The following THNSL2 variants were observed in gnomAD, a reference collection of about 807,000 sequenced individuals.
THNSL2 encodes the protein threonine synthase-like 2.
In THNSL2, 34 loss-of-function variants were observed where a neutral mutation model predicts 40.0. The ratio of observed to expected loss-of-function variants is 0.85; its 90% CI spans 0.65 to 1.13. THNSL2 has a LOEUF of 1.13. THNSL2 is among the 50% of genes most tolerant of loss of function. THNSL2 has a pLI of 0.00. For missense variants in THNSL2, 537 were observed against 608.8 expected (o/e 0.88, Z 1.24); for synonymous variants, 241 against 247.5 (o/e 0.97, Z 0.25).
At chr2:88,181,844 T>C (rs1677725145) in intron 5 of THNSL2, among the ~76,000 whole-genome samples, 1 of 152,172 alleles carries the variant, frequency 6.6e-6, no homozygotes, top group East Asian at 1.9e-4. Flanking sequence ...TAGATTTTCT[T>C]ATTCTAGACA....
At chr2:88,185,502 C>A in intron 8 of THNSL2, 23 bp downstream of exon 8, 1 of 1,588,468 alleles carries the variant, frequency 6.3e-7, no homozygotes, top group Non-Finnish European at 8.6e-7. Context: ...GGGGCCTGGG[C>A]CACTGAGGGA....
chr2:88,175,212 T>C, intron 3 of THNSL2, 37 bp from the exon 4 acceptor site: 2 of 1,601,816 alleles, frequency 1.2e-6, no homozygotes, highest in East Asian at 2.2e-5. Flanking sequence ...ATTCCCTTTG[T>C]TCTAAAGGGG....
chr2:88,172,902 C>T, intron 1 of THNSL2: 1 of 348,372 alleles, frequency 2.9e-6, no homozygotes, highest in Non-Finnish European at 5.2e-6. Context: ...ATACCCTCTC[C>T]CTGAAGACAG....
At chr2:88,170,848 T>C (rs1368903692) in intron 1 of THNSL2, among the ~76,000 whole-genome samples, 1 of 137,218 alleles carries the variant, frequency 7.3e-6, no homozygotes, top group Non-Finnish European at 1.7e-5. Flanking sequence ...TGCCGTCGGC[T>C]CCTGGGGTCC....
intron 1 of THNSL2, 107 bp from the exon 2 acceptor site, chr2:88,173,032 A>T (rs924489011): frequency 6.2e-6 from 4 of 641,580 alleles, no homozygotes; most frequent in Non-Finnish European, 7.7e-6. Context: ...TGTGCCCCGG[A>T]GACTGGTGGT....
At chr2:88,174,886 G>A (rs1033029120) in intron 3 of THNSL2, 53 bp downstream of exon 3, 3 of 1,584,920 alleles carry the variant, frequency 1.9e-6, no homozygotes, top group African/African-American at 1.3e-5. Flanking sequence ...ACTGTAGGGT[G>A]TCCACCTATA....
At chr2:88,170,944 C>T (rs1248587881) in intron 1 of THNSL2, among the ~76,000 whole-genome samples, 1 of 152,156 alleles carries the variant, frequency 6.6e-6, no homozygotes, top group Non-Finnish European at 1.5e-5. Context: ...TGTTCCCAGC[C>T]TTCGGGCTAC....
rs533845505 is a variant in THNSL2 at position 88,186,353 on chromosome 2, G to A, written c.*230G>A. On this transcript the variant is annotated 3_prime_UTR_variant, in exon 9 of 9. Coordinates refer to ENST00000674334, the MANE Select transcript of THNSL2 (RefSeq NM_018271.5). ...TGCCGGAAGCACCCCCTCCCTCCCC[G>A]GCCCGTGCAGCAGTGTCTGAGCTGT... The A allele has an allele frequency of 1.4e-4, 82 of 567,388 alleles. 1 individual carries two copies. The highest frequency in any genetic ancestry group is 9.0e-4 in the African/African-American group (48 of 53,256). The allele number at this position is 567,388 out of a possible 1,614,324, so 35.1% of individuals were successfully genotyped here. A position where few individuals can be genotyped will look rare whatever the true frequency, so the allele number is the denominator to read the frequency against.
In THNSL2 at chr2:88,171,438, CA is replaced by C. The variant is rs1350423388; in HGVS notation, c.-13+983del. On this transcript the variant is annotated intron_variant, in intron 1 of 8. Transcript: ENST00000674334. ...CCCCAGGTGTGATATTCCTTCCACCCAGGGAAGGGCATTTGAAAAATATTTT... is the reference window on the plus strand; with the variant it reads ...CCCCAGGTGTGATATTCCTTCCACCCGGGAAGGGCATTTGAAAAATATTTT... The C allele has an allele frequency of 3.2e-5, 13 of 407,842 alleles. No homozygotes were observed. In the East Asian group the frequency reaches 9.6e-4, roughly 30 times the overall value. The allele number at this position is 407,842 out of a possible 1,614,324, so 25.3% of individuals were successfully genotyped here. A position where few individuals can be genotyped will look rare whatever the true frequency, so the allele number is the denominator to read the frequency against.
At chr2:88,176,222 C>G (rs555735699) in intron 4 of THNSL2, 1 of 152,358 alleles carries the variant, frequency 6.6e-6, no homozygotes, top group East Asian at 1.9e-4. Context: ...GTGGTACCCA[C>G]CATTGGTTAT....
In THNSL2 at chr2:88,178,861, T is replaced by C. The variant is rs1282073698; in HGVS notation, c.650T>C (p.Leu217Pro). The part of the protein sequence containing the change: ...ADVAFVKKHN[L>P]MSLNSINWSR... ...GTGGCTTTTGTCAAGAAGCACAATC[T>C]GATGAGCCTGAATTCGATCAACTGG... Residue 217 changes from leucine to proline, a missense_variant, in exon 5 of 9, where the codon CTG (leucine) becomes CCG (proline). Coordinates refer to ENST00000674334, the MANE Select transcript of THNSL2 (RefSeq NM_018271.5). 1 of 1,614,238 alleles carries C rather than the reference T, an allele frequency of 6.2e-7. No homozygotes were observed. The highest frequency in any genetic ancestry group is 8.5e-7 in the Non-Finnish European group (1 of 1,180,042).
At chr2:88,178,504 A>G (rs1011113760) in intron 4 of THNSL2, among the ~76,000 whole-genome samples, 1 of 152,246 alleles carries the variant, frequency 6.6e-6, no homozygotes. Context: ...ATTTTAGATA[A>G]TGGTAGAAAC....
At chr2:88,184,451 C>T (rs561154524) in intron 7 of THNSL2, among the ~76,000 whole-genome samples, 1 of 152,338 alleles carries the variant, frequency 6.6e-6, no homozygotes, top group Admixed American at 6.5e-5. Context: ...CCCTAATTCA[C>T]AGCAGGTAGC....
intron 8 of THNSL2, 86 bp downstream of exon 8, chr2:88,185,565 CT>C: frequency 6.4e-7 from 1 of 1,552,050 alleles, no homozygotes; most frequent in Non-Finnish European, 8.7e-7. Flanking sequence ...AGAGACAGGA[CT>C]ACGAAAAAAT....
In THNSL2 at chr2:88,186,111, C is replaced by T. The variant is rs1343187883; in HGVS notation, c.1443C>T (p.Asn481=). The T allele has an allele frequency of 3.9e-6, 6 of 1,555,452 alleles. No homozygotes were observed. The highest frequency in any genetic ancestry group is 2.4e-5 in the East Asian group (1 of 41,360). Residue 481 remains asparagine (N), a synonymous_variant, in exon 9 of 9, where the codon AAC becomes AAT. Transcript: ENST00000674334. Reference sequence around the variant, plus strand: ...GACAGTGGAGGAGTCATGCCCTCAACACCTCCCAGTAGCCTGGCTGGAGGT... The same window carrying T: ...GACAGTGGAGGAGTCATGCCCTCAATACCTCCCAGTAGCCTGGCTGGAGGT... ...LSRQWRSHAL[N]TSQ
intron 4 of THNSL2, among the ~76,000 whole-genome samples, 173 bp from the exon 5 acceptor site, chr2:88,178,610 T>G (rs1036318225): frequency 6.6e-6 from 1 of 152,154 alleles, no homozygotes; most frequent in Non-Finnish European, 1.5e-5. Context: ...TTGAGGAGCT[T>G]AATACTGAGT....
chr2:88,179,803 C>A (rs1249354548), intron 5 of THNSL2, among the ~76,000 whole-genome samples: 1 of 152,170 alleles, frequency 6.6e-6, no homozygotes, highest in Non-Finnish European at 1.5e-5. Context: ...GGAACAAAGG[C>A]ACAGAGAAAG....
chr2:88,171,437 C>G, intron 1 of THNSL2: 1 of 413,088 alleles, frequency 2.4e-6, no homozygotes, highest in Non-Finnish European at 4.9e-6. Flanking sequence ...TTCCTTCCAC[C>G]CAGGGAAGGG....
At chr2:88,182,919 T>C in intron 6 of THNSL2, 29 bp from the exon 7 acceptor site, 1 of 1,614,000 alleles carries the variant, frequency 6.2e-7, no homozygotes, top group Non-Finnish European at 8.5e-7. Context: ...CTGAGATCAG[T>C]CTGGACCTGA....
Sources: allele counts gnomAD v4.1 joint callset (sites outside exome capture counted in the v4.1 genomes callset), GRCh38; gene constraint gnomAD v4.1.1; transcripts MANE v1.5; gene names NCBI Gene and HGNC (gene_info 2026-07-23, HGNC 2026-07-21).